PCBP3: variants seen among roughly 807,000 people sequenced by gnomAD.
PCBP3 encodes poly(rC)-binding protein 3.
In PCBP3, 25 loss-of-function variants were observed where a neutral mutation model predicts 52.7. The ratio of observed to expected loss-of-function variants is 0.47; its 90% CI spans 0.35 to 0.66. The LOEUF (loss-of-function observed/expected upper bound fraction) is 0.66. Ranked by LOEUF, PCBP3 falls within the 30% of genes least tolerant of loss-of-function variation. PCBP3 has a pLI of 0.01. For synonymous variants in PCBP3, 162 were observed against 183.0 expected (o/e 0.89, Z 0.93); for missense variants, 391 against 490.3 (o/e 0.80, Z 1.91).
At chr21:45,752,637 A>G (rs958437286) in intron 3 of PCBP3, among the ~76,000 whole-genome samples, 4 of 151,934 alleles carry the variant, frequency 2.6e-5, no homozygotes, top group Non-Finnish European at 2.9e-5. Context: ...ATATTTATAT[A>G]TACATAATTT....
chr21:45,664,915 A>G (rs534137070), intron 1 of PCBP3, among the ~76,000 whole-genome samples: 346 of 151,740 alleles, frequency 2.3e-3, no homozygotes, highest in Non-Finnish European at 4.5e-3. Flanking sequence ...ATGATTTCCA[A>G]TTTCATCCGT....
intron 9 of PCBP3, among the ~76,000 whole-genome samples, chr21:45,906,137 T>C (rs1239116582): frequency 6.6e-6 from 1 of 152,168 alleles, no homozygotes; most frequent in Non-Finnish European, 1.5e-5. Flanking sequence ...TCCTCCCCAT[T>C]GAGGGCAAAA....
intron 4 of PCBP3, among the ~76,000 whole-genome samples, chr21:45,840,867 AG>A (rs1467460172): frequency 6.6e-6 from 1 of 152,192 alleles, no homozygotes; most frequent in African/African-American, 2.4e-5. Flanking sequence ...CTCCTGCCTC[AG>A]CTTTCCAAAG....
intron 2 of PCBP3, among the ~76,000 whole-genome samples, chr21:45,674,622 T>C (rs1421440664): frequency 6.6e-6 from 1 of 152,172 alleles, no homozygotes; most frequent in Non-Finnish European, 1.5e-5. Flanking sequence ...ACTAAAAAAT[T>C]GATAAACTTG....
At chr21:45,883,688 A>C (rs1402822159) in intron 5 of PCBP3, among the ~76,000 whole-genome samples, 1 of 152,092 alleles carries the variant, frequency 6.6e-6, no homozygotes, top group Non-Finnish European at 1.5e-5. Context: ...TCCGATATTA[A>C]TATAGCCATT....
At chr21:45,673,770 C>G (rs2081308623) in intron 2 of PCBP3, 1 of 152,180 alleles carries the variant, frequency 6.6e-6, no homozygotes, top group Non-Finnish European at 1.5e-5. Flanking sequence ...AGTTCATCCT[C>G]CGAGGCCATG....
chr21:45,921,202 A>T (rs9306144), intron 13 of PCBP3, among the ~76,000 whole-genome samples: 62,967 of 152,128 alleles, frequency 0.41, 13,932 homozygotes, highest in African/African-American at 0.57. Flanking sequence ...ATCGGTATTT[A>T]GTAGAAATTT....
rs1394440184 is a variant in PCBP3 at position 45,817,880 on chromosome 21, T to C, written c.-125-32081T>C. On this transcript the variant is annotated intron_variant, in intron 4 of 17. Transcript: ENST00000681687. This position sits in a 1 kb window ranked among gnomAD's most constrained non-coding sequence, Gnocchi z 4.3. The stretch of plus-strand genomic sequence containing the variant: ...ACTTTTGAAAAGTTAATAGTCTTTA[T>C]GTTTTAGGGCAATTGTATTCTACAA... Among the ~76,000 whole-genome samples the C allele has an allele frequency of 6.6e-6, 1 of 152,228 alleles. No homozygotes were observed. Among genetic ancestry groups the C allele is most frequent in the Non-Finnish European group, 1.5e-5 (1 of 68,044 alleles).
chr21:45,816,979 C>A (rs1445016664), intron 4 of PCBP3, among the ~76,000 whole-genome samples: 1 of 152,072 alleles, frequency 6.6e-6, no homozygotes, highest in Non-Finnish European at 1.5e-5. Context: ...CACAGCGTTG[C>A]AGGGTGATGG....
chr21:45,864,761 A>G (rs1027426002), intron 5 of PCBP3, among the ~76,000 whole-genome samples: 3 of 152,204 alleles, frequency 2.0e-5, no homozygotes, highest in African/African-American at 7.2e-5. Context: ...CCTTTCAGAG[A>G]TAAATATTTT....
At chr21:45,705,717 A>G (rs1603294752) in intron 2 of PCBP3, among the ~76,000 whole-genome samples, 1 of 152,322 alleles carries the variant, frequency 6.6e-6, no homozygotes, top group African/African-American at 2.4e-5. Context: ...TGAGGGTCAC[A>G]TATGGTCTCT....
chr21:45,866,052 C>T (rs1290764109), intron 5 of PCBP3, among the ~76,000 whole-genome samples: 1 of 152,250 alleles, frequency 6.6e-6, no homozygotes, highest in Admixed American at 6.5e-5. Context: ...CAGTGGGCTT[C>T]CTTCTCCAAG....
At chr21:45,869,108 A>G (rs970328631) in intron 5 of PCBP3, 2 of 152,114 alleles carry the variant, frequency 1.3e-5, no homozygotes, top group African/African-American at 4.8e-5. Flanking sequence ...AGTATCTGTA[A>G]CTTTCTCCAA....
chr21:45,664,116 G>A (rs182264675), intron 1 of PCBP3, among the ~76,000 whole-genome samples: 12 of 144,986 alleles, frequency 8.3e-5, no homozygotes, highest in East Asian at 6.1e-4. Flanking sequence ...ATACACACAC[G>A]CATAAATCAC....
At chr21:45,719,813 G>C (rs1257041386) in intron 2 of PCBP3, among the ~76,000 whole-genome samples, 2 of 152,076 alleles carry the variant, frequency 1.3e-5, no homozygotes, top group African/African-American at 4.8e-5. Flanking sequence ...CACATACTAA[G>C]TCATGAACAC....
chr21:45,798,278 G>A (rs1034759513), intron 4 of PCBP3, among the ~76,000 whole-genome samples: 4 of 91,038 alleles, frequency 4.4e-5, no homozygotes, highest in African/African-American at 1.2e-4. Flanking sequence ...GAATGGATGC[G>A]TACATGGATG....
At chr21:45,938,135 G>C (rs1008906330) in intron 16 of PCBP3, among the ~76,000 whole-genome samples, 2 of 152,226 alleles carry the variant, frequency 1.3e-5, no homozygotes, top group Non-Finnish European at 2.9e-5. Context: ...GTTAAGAGAA[G>C]AGGGTAGGCC....
chr21:45,893,324 G>C (rs527688352), intron 5 of PCBP3, among the ~76,000 whole-genome samples: 18 of 151,908 alleles, frequency 1.2e-4, no homozygotes, highest in South Asian at 8.3e-4. Context: ...GCTGGGGGCA[G>C]TGGGGGTGGA....
At chr21:45,816,621 G>A (rs1046964197) in intron 4 of PCBP3, among the ~76,000 whole-genome samples, 2 of 148,346 alleles carry the variant, frequency 1.3e-5, no homozygotes, top group Admixed American at 6.8e-5. Flanking sequence ...CCACCTCCAC[G>A]CCTTGTCCCG....
Sources: gnomAD v4.1 joint callset for allele counts (sites outside exome capture counted in the v4.1 genomes callset) on GRCh38, gnomAD v4.1.1 for gene constraint, Gnocchi (gnomAD v3.1) non-coding constraint, MANE v1.5 for transcripts, NCBI Gene and HGNC (gene_info 2026-07-23, HGNC 2026-07-21) for gene names.